Variants in LTBP4 observed in about 807,000 individuals in gnomAD.
LTBP4 encodes latent transforming growth factor beta binding protein 4, also known as latent-transforming growth factor beta-binding protein 4.
LTBP4 carries 93 observed loss-of-function variants against 180.2 expected under a neutral mutation model. The ratio of observed to expected loss-of-function variants is 0.52; its 90% confidence interval spans 0.44 to 0.61. The LOEUF is 0.61. Among genes scored for constraint, LTBP4 ranks in the 20% least tolerant of loss-of-function variants. The pLI, the probability that LTBP4 is intolerant of heterozygous loss-of-function variation, is 0.00. For missense variants in LTBP4, 2,116 were observed against 2,256.5 expected, an observed-to-expected ratio of 0.94 and a Z score of 1.26; for synonymous variants, 947 against 934.5, an observed-to-expected ratio of 1.01 and a Z score of -0.24.
intron 21 of LTBP4, among the ~76,000 whole-genome samples, 193 bp from the exon 22 acceptor site, chr19:40,619,154 G>T (rs2081569287): frequency 6.6e-6 from 1 of 152,008 alleles, no homozygotes; most frequent in Non-Finnish European, 1.5e-5. Flanking sequence ...CCTACTCAAA[G>T]AACAGGATTG....
In LTBP4 at chr19:40,605,893, C is replaced by T; in HGVS notation, c.793+62C>T. The T allele has an allele frequency of 1.3e-6, 2 of 1,485,982 alleles. No homozygotes were observed. Among genetic ancestry groups the T allele is most frequent in the Non-Finnish European group, 1.8e-6 (2 of 1,106,862 alleles). The allele number at this position is 1,485,982 out of a possible 1,614,324, so 92.0% of individuals were successfully genotyped here. A position where few individuals can be genotyped will look rare whatever the true frequency, so the allele number is the denominator to read the frequency against. On this transcript the variant is annotated intron_variant, in intron 4 of 29. Transcript: ENST00000396819. The surrounding 1 kb of genome is among the most constrained non-coding windows in gnomAD (Gnocchi z 5.5). ...GGGAGTGGTGACAACCTCACCGTTCCTCCTACTCTGCCCTAGATAAACCCA... is the reference window on the plus strand; with the variant it reads ...GGGAGTGGTGACAACCTCACCGTTCTTCCTACTCTGCCCTAGATAAACCCA...
chr19:40,597,079 G>A (rs2081394417), upstream of LTBP4, among the ~76,000 whole-genome samples: 1 of 152,052 alleles, frequency 6.6e-6, no homozygotes, highest in Non-Finnish European at 1.5e-5. Context: ...GCGGCGCCGG[G>A]CTGTGATTGG....
chr19:40,602,846 C>T (rs1421950855), intron 1 of LTBP4, among the ~76,000 whole-genome samples: 6 of 152,176 alleles, frequency 3.9e-5, no homozygotes. Context: ...CAAGAGAAGG[C>T]AGAGAAATGC....
At chr19:40,597,381 G>T (rs1023380644), upstream of LTBP4, 64 of 1,511,300 alleles carry the variant, frequency 4.2e-5, no homozygotes, top group Non-Finnish European at 5.4e-5. Context: ...GCCCGGCCAG[G>T]TAAGCCCCCT....
chr19:40,613,533 C>T lies in LTBP4; in HGVS notation c.2557+4C>T, dbSNP rs1159181782. ...CCCCGCGGAGCCTCTTGCCTCGGTT[C>T]GTACCCGGGCTGATCCTGGCCCCGG... On this transcript the variant is annotated splice_donor_region_variant and intron_variant, in intron 17 of 29. Transcript: ENST00000396819. This position sits in a 1 kb window ranked among gnomAD's most constrained non-coding sequence, Gnocchi z 5.0. 12 of 1,563,730 alleles carry T rather than the reference C, an allele frequency of 7.7e-6. No individual in the cohort carries two copies. In the East Asian group the frequency reaches 1.9e-4, roughly 25 times the overall value.
chr19:40,616,663 A>T (rs1354652198), intron 19 of LTBP4, among the ~76,000 whole-genome samples: 4 of 152,314 alleles, frequency 2.6e-5, no homozygotes, highest in African/African-American at 9.6e-5. Flanking sequence ...CTAGGAGGCA[A>T]AAGTTGCAGT....
chr19:40,599,988 A>G (rs2081412321), upstream of LTBP4: 8 of 717,092 alleles, frequency 1.1e-5, no homozygotes, highest in Non-Finnish European at 1.6e-5. Context: ...ACTGAAAGAC[A>G]TTTTCCTGGC....
rs1213024554 is a variant in LTBP4, at chr19:40,611,948, G to A, written c.2143G>A (p.Gly715Ser). The A allele has an allele frequency of 6.2e-7, 1 of 1,611,556 alleles. No homozygotes were observed. Among genetic ancestry groups the A allele is most frequent in the Non-Finnish European group, 8.5e-7 (1 of 1,178,794 alleles). The change falls in exon 14 of 30, where the codon GGC becomes AGC. Residue 715 changes from glycine (G) to serine (S), a missense_variant. By Grantham distance (56) the Gly-to-Ser change is moderately conservative. Transcript: ENST00000396819. The surrounding 1 kb of genome is among the most constrained non-coding windows in gnomAD (Gnocchi z 4.4). Reference protein sequence around the residue: ...EGSFQCVCPMGFQPNTAGSEC... With the variant: ...EGSFQCVCPMSFQPNTAGSEC... ...CAGCTTCCAGTGTGTCTGCCCCATG[G>A]GCTTCCAACCCAACACTGCTGGCTC...
In LTBP4 at chr19:40,613,048, AC is replaced by A. The variant is rs761086346; in HGVS notation, c.2300-12del. On this transcript the variant is annotated splice_polypyrimidine_tract_variant and intron_variant, in intron 15 of 29. Transcript: ENST00000396819. This position sits in a 1 kb window ranked among gnomAD's most constrained non-coding sequence, Gnocchi z 5.0. ...TCCCGAGACTGGACCCTTTCTGAAC[AC>A]CCCCACCCCCCACAGATGTGGACGA... 3 of 1,609,088 alleles carry A rather than the reference AC, an allele frequency of 1.9e-6. No individual in the cohort carries two copies. The highest frequency in any genetic ancestry group is 4.5e-5 in the East Asian group (2 of 44,660).
At chr19:40,601,707 C>A in intron 1 of LTBP4, 70 bp downstream of exon 1, 2 of 1,120,408 alleles carry the variant, frequency 1.8e-6, no homozygotes, top group Non-Finnish European at 2.3e-6. Flanking sequence ...ATGGAGGAGA[C>A]AGTCCTCCAG....
At chr19:40,621,041 A>G (rs1437535852) in intron 22 of LTBP4, among the ~76,000 whole-genome samples, 1 of 151,808 alleles carries the variant, frequency 6.6e-6, no homozygotes, top group East Asian at 1.9e-4. Context: ...TCCCTGGTTC[A>G]AGTGATTCTC....
chr19:40,619,550 G>T, intron 22 of LTBP4, 57 bp downstream of exon 22: 1 of 1,530,894 alleles, frequency 6.5e-7, no homozygotes, highest in African/African-American at 1.4e-5. Context: ...AAAATCACGT[G>T]GTCTAATCAT....
chr19:40,597,586 TGTG>T (rs2081397926), upstream of LTBP4, among the ~76,000 whole-genome samples: 1 of 151,576 alleles, frequency 6.6e-6, no homozygotes, highest in African/African-American at 2.4e-5. Flanking sequence ...TCCCCTTTAT[TGTG>T]GTGGAGAAGG....
chr19:40,602,311 T>C (rs1160664848), intron 1 of LTBP4, among the ~76,000 whole-genome samples: 3 of 146,606 alleles, frequency 2.0e-5, no homozygotes, highest in Non-Finnish European at 4.5e-5. Context: ...AGGAGGTGTA[T>C]GCACCAGGCA....
In LTBP4 at chr19:40,606,636, C is replaced by T. The variant is rs983758720; in HGVS notation, c.991+110C>T. 4 of 1,366,182 alleles carry T rather than the reference C, an allele frequency of 2.9e-6. No homozygotes were observed. In the African/African-American group the frequency reaches 4.3e-5, roughly 15 times the overall value. The allele number at this position is 1,366,182 out of a possible 1,614,324, so 84.6% of individuals were successfully genotyped here. A position where few individuals can be genotyped will look rare whatever the true frequency, so the allele number is the denominator to read the frequency against. On this transcript the variant is annotated intron_variant, in intron 6 of 29. Coordinates refer to ENST00000396819, the MANE Select transcript of LTBP4 (RefSeq NM_001042545.2). ...TCGGACCCCCCCAGACTCCCGGGTT[C>T]CTCTGTCAGCCTTAGAGCCCCCTCA...
chr19:40,624,373 T>C (rs2081609938), intron 26 of LTBP4, among the ~76,000 whole-genome samples: 2 of 152,236 alleles, frequency 1.3e-5, no homozygotes, highest in Non-Finnish European at 2.9e-5. Flanking sequence ...ATAGGGTGGC[T>C]GTGAGGAATT....
Position 40,624,037 on chromosome 19 carries a change from G to T in LTBP4, c.3787G>T (p.Asp1263Tyr). 6.2e-7 allele frequency: 1 copy of T among 1,600,038 alleles called. No individual in the cohort carries two copies. The highest frequency in any genetic ancestry group is 8.5e-7 in the Non-Finnish European group (1 of 1,170,824). Residue 1263 changes from aspartate to tyrosine, a missense_variant, in exon 26 of 30, where the codon GAT becomes TAT. Around this residue, in one of 5 missense-constraint regions of LTBP4, gnomAD observed 488 missense variants for 458.8 expected, o/e 1.06. Coordinates refer to ENST00000396819, the MANE Select transcript of LTBP4 (RefSeq NM_001042545.2). ...TACCTGCGAGCCCCCACTGGTGCTG[G>T]ATGGCTCGCAGCGCCGCTGCGTCTC... ...HCTCEPPLVL[D>Y]GSQRRCVSNE... is the part of the protein sequence containing the mutation.
chr19:40,627,477 G>T, intron 28 of LTBP4, 122 bp downstream of exon 28: 2 of 1,335,268 alleles, frequency 1.5e-6, no homozygotes, highest in Non-Finnish European at 2.0e-6. Flanking sequence ...GAGAGCCACA[G>T]AAAGGGACAG....
chr19:40,619,422 G>C lies in LTBP4; in HGVS notation c.3146G>C (p.Cys1049Ser), dbSNP rs780221360. 1 of 1,613,906 alleles carries C rather than the reference G, an allele frequency of 6.2e-7. No individual in the cohort carries two copies. The highest frequency in any genetic ancestry group is 1.1e-5 in the South Asian group (1 of 91,068). ...GAAAATGTCGAAGGCTCCTTCCTCT[G>C]TGTCTGCCCCAACAGCCCGGAAGAG... ...LCENVEGSFL[C>S]VCPNSPEEFD... Residue 1049 changes from cysteine to serine, a missense_variant, in exon 22 of 30, where the codon TGT (cysteine) becomes TCT (serine). Physicochemically the swap from Cys to Ser is moderately radical, Grantham distance 112. Around this residue, in one of 5 missense-constraint regions of LTBP4, gnomAD observed 278 missense variants for 373.0 expected, o/e 0.75. Coordinates refer to ENST00000396819, the MANE Select transcript of LTBP4 (RefSeq NM_001042545.2).
Sources: gnomAD v4.1 joint callset for allele counts (sites outside exome capture counted in the v4.1 genomes callset) on GRCh38, gnomAD v4.1.1 for gene constraint, gnomAD v4.1.1 regional missense constraint, Gnocchi (gnomAD v3.1) non-coding constraint, MANE v1.5 for transcripts, NCBI Gene and HGNC (gene_info 2026-07-23, HGNC 2026-07-21) for gene names.